Variants in SLC25A48 observed in about 807,000 individuals in gnomAD.
SLC25A48 encodes solute carrier family 25 member 48.
Under a neutral mutation model 32.2 loss-of-function variants are expected in SLC25A48, and 29 were observed. The ratio of observed to expected loss-of-function variants is 0.90; its 90% CI spans 0.67 to 1.23. The LOEUF (loss-of-function observed/expected upper bound fraction) is 1.23. SLC25A48 is among the 50% of genes most tolerant of loss of function. The pLI is 0.00. For synonymous variants in SLC25A48, 164 were observed against 172.3 expected (o/e 0.95, Z 0.38); for missense variants, 399 against 422.7 (o/e 0.94, Z 0.49).
intron 1 of SLC25A48, among the ~76,000 whole-genome samples, chr5:135,617,865 G>A (rs56402736): frequency 0.38 from 57,967 of 151,534 alleles, 11,220 homozygotes; most frequent in African/African-American, 0.42. Flanking sequence ...GTGCCCTAAC[G>A]TATGATTTAT....
intron 1 of SLC25A48, among the ~76,000 whole-genome samples, chr5:135,584,689 A>G (rs1751321486): frequency 1.3e-5 from 2 of 152,272 alleles, no homozygotes; most frequent in Admixed American, 1.3e-4. Flanking sequence ...ATGCAAAGCT[A>G]GTCCTTGTTA....
chr5:135,655,685 A>G (rs1753228948), intron 3 of SLC25A48, among the ~76,000 whole-genome samples: 1 of 152,156 alleles, frequency 6.6e-6, no homozygotes, highest in Admixed American at 6.5e-5. Flanking sequence ...TGTGTGATTC[A>G]TAAAGTTTGC....
intron 3 of SLC25A48, among the ~76,000 whole-genome samples, chr5:135,724,968 G>A (rs777812143): frequency 6.6e-6 from 1 of 152,272 alleles, no homozygotes; most frequent in African/African-American, 2.4e-5. Flanking sequence ...CTACTGGCCT[G>A]CCTGGTCAGG....
At chr5:135,723,890 A>C (rs924247231) in intron 3 of SLC25A48, among the ~76,000 whole-genome samples, 7 of 152,202 alleles carry the variant, frequency 4.6e-5, no homozygotes, top group Non-Finnish European at 5.9e-5. Flanking sequence ...CATCTAGGTG[A>C]TTTCTATAAT....
chr5:135,751,693 G>T (rs1348827335), intron 3 of SLC25A48, among the ~76,000 whole-genome samples: 2 of 152,090 alleles, frequency 1.3e-5, no homozygotes, highest in East Asian at 3.9e-4. Context: ...AATTAACTGG[G>T]CATGGTGGTG....
chr5:135,757,194 A>G (rs1755935499), intron 3 of SLC25A48, among the ~76,000 whole-genome samples: 1 of 150,016 alleles, frequency 6.7e-6, no homozygotes, highest in Non-Finnish European at 1.5e-5. Context: ...TTAACACATT[A>G]TATTAATGTC....
At chr5:135,730,132 G>A (rs1755190333) in intron 3 of SLC25A48, among the ~76,000 whole-genome samples, 1 of 152,170 alleles carries the variant, frequency 6.6e-6, no homozygotes, top group Non-Finnish European at 1.5e-5. Context: ...GATTACTAGA[G>A]TCCAAGTGCT....
rs112617292 is a variant in SLC25A48 at position 135,795,108 on chromosome 5, C to T, written c.-520-17415C>T. ...TCTTAGCATCACAGGGGCTGTACAC[C>T]ACTCCTGTGATATTGTTCCTAACAC... On this transcript the variant is annotated intron_variant, in intron 3 of 10. Transcript: ENST00000646290. 2.4e-3 allele frequency among the ~76,000 whole-genome samples: 366 copies of T among 151,796 alleles called. 1 individual carries two copies. The highest frequency in any genetic ancestry group is 5.8e-3 in the African/African-American group (241 of 41,406).
intron 4 of SLC25A48, among the ~76,000 whole-genome samples, chr5:135,863,529 C>A (rs1328189847): frequency 1.3e-5 from 2 of 152,164 alleles, no homozygotes; most frequent in African/African-American, 4.8e-5. Context: ...TGGGAAGAAG[C>A]AGAGAGTTAC....
chr5:135,870,465 G>GCTAT (rs1761548885), intron 4 of SLC25A48, among the ~76,000 whole-genome samples: 1 of 152,134 alleles, frequency 6.6e-6, no homozygotes, highest in African/African-American at 2.4e-5. Flanking sequence ...GTCTCAGCTG[G>GCTAT]CTATGTGCAC....
chr5:135,884,385 C>T (rs1337172768), intron 7 of SLC25A48, among the ~76,000 whole-genome samples: 1 of 152,212 alleles, frequency 6.6e-6, no homozygotes, highest in Non-Finnish European at 1.5e-5. Flanking sequence ...TTCTCCTTCA[C>T]AGCCCCTGGG....
At chr5:135,842,209 C>T (rs1487635058) in intron 1 of SLC25A48, among the ~76,000 whole-genome samples, 1 of 152,164 alleles carries the variant, frequency 6.6e-6, no homozygotes, top group Non-Finnish European at 1.5e-5. Context: ...CTTTGCCTTC[C>T]TTTTATGGAG....
intron 2 of SLC25A48, among the ~76,000 whole-genome samples, chr5:135,630,580 C>G (rs73791018): frequency 0.011 from 1,271 of 119,448 alleles, 23 homozygotes; most frequent in African/African-American, 0.037. Context: ...GATGGTTAGG[C>G]TGGGCACCTT....
At chr5:135,848,061 C>T (rs1759558319) in intron 2 of SLC25A48, among the ~76,000 whole-genome samples, 1 of 152,208 alleles carries the variant, frequency 6.6e-6, no homozygotes, top group Non-Finnish European at 1.5e-5. Flanking sequence ...CCTGCTATCA[C>T]TGGGGGCCCT....
chr5:135,623,751 T>C (rs1752379112), intron 1 of SLC25A48, among the ~76,000 whole-genome samples: 1 of 152,234 alleles, frequency 6.6e-6, no homozygotes. Flanking sequence ...ATTGTGGCCT[T>C]TCTGTTCTCC....
chr5:135,608,042 G>A (rs2126888523), intron 1 of SLC25A48, among the ~76,000 whole-genome samples: 1 of 438 alleles, frequency 2.3e-3, no homozygotes. Context: ...TTAAATAAAT[G>A]CAAGCAGTTG....
intron 3 of SLC25A48, among the ~76,000 whole-genome samples, chr5:135,741,339 T>C (rs1238020178): frequency 6.6e-6 from 1 of 152,224 alleles, no homozygotes; most frequent in Non-Finnish European, 1.5e-5. Context: ...TAAACTCATG[T>C]AAGGTCCAGC....
chr5:135,850,427 T>C lies in SLC25A48; in HGVS notation c.93T>C (p.Thr31=), dbSNP rs376907793. The C allele has an allele frequency of 6.2e-7, 1 of 1,614,014 alleles. No individual in the cohort carries two copies. Among genetic ancestry groups the C allele is most frequent in the African/African-American group, 1.3e-5 (1 of 74,924 alleles). ...CATGTCCTTGCCTCTCTCCATAGAC[T>C]CGCCTGCAGGCTGGCGTTGGCTACG... ...IVGHPLDTVK[T]RLQAGVGYGN... The change falls in exon 3 of 8, where the codon ACT becomes ACC. Residue 31 remains threonine, a splice_region_variant and synonymous_variant. Coordinates refer to ENST00000681962, the MANE Select transcript of SLC25A48 (RefSeq NM_001349336.2).
chr5:135,847,310 T>G (rs1465835476), intron 2 of SLC25A48, among the ~76,000 whole-genome samples: 1 of 152,178 alleles, frequency 6.6e-6, no homozygotes, highest in Non-Finnish European at 1.5e-5. Flanking sequence ...AGACTTGTTT[T>G]GGTCTCAGTA....
Sources: gnomAD v4.1 joint callset for allele counts (sites outside exome capture counted in the v4.1 genomes callset) on GRCh38, gnomAD v4.1.1 for gene constraint, MANE v1.5 for transcripts, NCBI Gene and HGNC (gene_info 2026-07-23, HGNC 2026-07-21) for gene names.